PTPRN2: variants seen among roughly 807,000 people sequenced by gnomAD.
PTPRN2 encodes the protein protein tyrosine phosphatase receptor type N2, also known as receptor-type tyrosine-protein phosphatase N2.
Under a neutral mutation model 118.8 loss-of-function variants are expected in PTPRN2, and 74 were observed. The observed-to-expected ratio is 0.62, with a 90% CI of 0.52 to 0.76. The LOEUF (loss-of-function observed/expected upper bound fraction) is 0.76, where lower values mean the gene tolerates loss of function less well. Ranked by LOEUF, PTPRN2 falls within the 30% of genes least tolerant of loss-of-function variation. PTPRN2 has a pLI of 0.00. For synonymous variants in PTPRN2, 641 were observed against 608.0 expected (o/e 1.05, Z -0.80); for missense variants, 1,481 against 1,394.4 (o/e 1.06, Z -0.99).
chr7:157,659,015 C>T (rs1795746237), intron 13 of PTPRN2, among the ~76,000 whole-genome samples: 1 of 151,656 alleles, frequency 6.6e-6, no homozygotes, highest in African/African-American at 2.4e-5. Context: ...CCCCGGGGTG[C>T]CGGCTTCCTT....
rs73515084 is a variant in PTPRN2, at chr7:157,626,697, C to G, written c.2197-5188G>C. Among the ~76,000 whole-genome samples the G allele has an allele frequency of 4.7e-4, 72 of 152,304 alleles. 1 individual carries two copies. The East Asian group carries it at 0.014, about 29-fold the overall frequency. Reference sequence around the variant, plus strand: ...GGGACTGTGTTTCAGCTGCTCAGCACAGGCAGCAAGCACTCAGCCAATATC... The same window carrying G: ...GGGACTGTGTTTCAGCTGCTCAGCAGAGGCAGCAAGCACTCAGCCAATATC... On this transcript the variant is annotated intron_variant, in intron 14 of 22. Coordinates refer to ENST00000389418, the MANE Select transcript of PTPRN2 (RefSeq NM_002847.5).
chr7:158,275,965 C>T (rs1456148394), intron 3 of PTPRN2, among the ~76,000 whole-genome samples: 2 of 152,176 alleles, frequency 1.3e-5, no homozygotes, highest in Non-Finnish European at 2.9e-5. Context: ...CTCCAGAAAA[C>T]GTCTTGCTGT....
intron 2 of PTPRN2, among the ~76,000 whole-genome samples, chr7:158,444,964 G>A (rs1354747477): frequency 6.6e-6 from 1 of 152,244 alleles, no homozygotes; most frequent in African/African-American, 2.4e-5. Flanking sequence ...CACCATGCCA[G>A]ACCACGGCCC....
At chr7:158,260,154 T>C (rs11769815) in intron 3 of PTPRN2, among the ~76,000 whole-genome samples, 35,898 of 152,154 alleles carry the variant, frequency 0.24, 4,609 homozygotes, top group Middle Eastern at 0.32. Context: ...ATGCCTGCTG[T>C]CTCTCTGTGG....
chr7:157,957,186 G>C lies in PTPRN2; in HGVS notation c.1724-58449C>G, dbSNP rs560214681. Among the ~76,000 whole-genome samples, 4 of 152,296 alleles carry C rather than the reference G, an allele frequency of 2.6e-5. No individual in the cohort carries two copies. The East Asian group carries it at 5.8e-4, about 22-fold the overall frequency. ...GAGCAGGGGACAAGAGTCACCCAAG[G>C]TGACTATAAGTCCCCACAAATTCAT... is the stretch of plus-strand genomic sequence containing the variant. On this transcript the variant is annotated intron_variant, in intron 11 of 22. Transcript: ENST00000389418.
chr7:157,613,902 T>C (rs117134445), intron 15 of PTPRN2: 5,708 of 400,642 alleles, frequency 0.014, 247 homozygotes, highest in Admixed American at 0.096. Flanking sequence ...TCGGCGCTGC[T>C]ATCCGGACTC....
At chr7:157,719,260 C>A (rs929697880) in intron 12 of PTPRN2, among the ~76,000 whole-genome samples, 1 of 152,230 alleles carries the variant, frequency 6.6e-6, no homozygotes, top group Admixed American at 6.5e-5. Context: ...CGTGCCAGGA[C>A]TTCTGAAGGT....
intron 1 of PTPRN2, among the ~76,000 whole-genome samples, chr7:158,520,518 A>T (rs1823900439): frequency 6.6e-6 from 1 of 152,212 alleles, no homozygotes; most frequent in Admixed American, 6.5e-5. Flanking sequence ...GCTCAGCTCG[A>T]GGCCCCTGGA....
At chr7:158,133,648 A>C (rs1818556241) in intron 9 of PTPRN2, 29 bp downstream of exon 9, 2 of 1,535,066 alleles carry the variant, frequency 1.3e-6, no homozygotes, top group African/African-American at 2.7e-5. Flanking sequence ...CCCTCGGCAC[A>C]CAGGAGCTTA....
In PTPRN2 at chr7:157,964,979, G is replaced by T. The variant is rs1801819138; in HGVS notation, c.1724-66242C>A. ...TGTCAGTGCCGTAGCGGAACACAGG[G>T]ATCTGAGGCACAAGGCAGGGCTGTC... On this transcript the variant is annotated intron_variant, in intron 11 of 22. Transcript: ENST00000389418. This position sits in a 1 kb window ranked among gnomAD's most constrained non-coding sequence, Gnocchi z 9.0. 6.6e-6 allele frequency among the ~76,000 whole-genome samples: 1 copy of T among 152,224 alleles called. No homozygotes were observed. Among genetic ancestry groups the T allele is most frequent in the South Asian group, 2.1e-4 (1 of 4,830 alleles).
chr7:157,867,691 T>C (rs1810796668), intron 12 of PTPRN2, among the ~76,000 whole-genome samples: 1 of 152,174 alleles, frequency 6.6e-6, no homozygotes, highest in Non-Finnish European at 1.5e-5. Context: ...TAAATCAACA[T>C]GAATAAACTT....
chr7:157,662,480 C>T (rs551268362), intron 13 of PTPRN2, among the ~76,000 whole-genome samples: 6 of 152,196 alleles, frequency 3.9e-5, no homozygotes, highest in Non-Finnish European at 8.8e-5. Flanking sequence ...ATGGGAATGA[C>T]AGCAACAGCA....
At chr7:158,170,240 G>A (rs1204335116) in intron 5 of PTPRN2, among the ~76,000 whole-genome samples, 1 of 152,196 alleles carries the variant, frequency 6.6e-6, no homozygotes, top group Non-Finnish European at 1.5e-5. Context: ...CTCCAGCTCA[G>A]CCTGCACTCC....
In PTPRN2 at chr7:157,785,461, GC is replaced by G. The variant is rs1279549940; in HGVS notation, c.1789-102525del. Among the ~76,000 whole-genome samples the G allele has an allele frequency of 4.6e-5, 7 of 152,162 alleles. No individual in the cohort carries two copies. Among genetic ancestry groups the G allele is most frequent in the Non-Finnish European group, 1.0e-4 (7 of 68,022 alleles). Reference sequence around the variant, plus strand: ...CAGGGCTCAGAGGGGCCCCAGGCCGGCCCCACTCCCAGACTAGAGCCAGCAC... The same window carrying G: ...CAGGGCTCAGAGGGGCCCCAGGCCGGCCCACTCCCAGACTAGAGCCAGCAC... On this transcript the variant is annotated intron_variant, in intron 12 of 22. Transcript: ENST00000389418. This position sits in a 1 kb window ranked among gnomAD's most constrained non-coding sequence, Gnocchi z 7.3.
chr7:158,564,080 T>C (rs1258796936), intron 1 of PTPRN2, among the ~76,000 whole-genome samples: 1 of 152,190 alleles, frequency 6.6e-6, no homozygotes, highest in African/African-American at 2.4e-5. Flanking sequence ...CAGCTCTGGA[T>C]CTGAGTTAAC....
At chr7:158,336,359 C>G (rs1183689700) in intron 2 of PTPRN2, among the ~76,000 whole-genome samples, 3 of 141,742 alleles carry the variant, frequency 2.1e-5, no homozygotes, top group Non-Finnish European at 1.6e-5. Flanking sequence ...CACCCACACT[C>G]TCACCATAAG....
At chr7:157,877,582 T>G (rs1795855045) in intron 12 of PTPRN2, among the ~76,000 whole-genome samples, 1 of 152,120 alleles carries the variant, frequency 6.6e-6, no homozygotes, top group Non-Finnish European at 1.5e-5. Context: ...GGGTCCTCTC[T>G]CCTCCCCTCC....
intron 12 of PTPRN2, among the ~76,000 whole-genome samples, chr7:157,715,196 G>T (rs10266815): frequency 6.6e-6 from 1 of 152,178 alleles, no homozygotes; most frequent in African/African-American, 2.4e-5. Context: ...GAGAAATACC[G>T]ACAGGTGGGG....
At position 158,112,891 on chromosome 7, in the gene PTPRN2, T is replaced by C. The variant is rs185693080; in HGVS notation, c.1557-1976A>G. ...CAGGCTGGGTGCTGGGGGCAGTGCA[T>C]CATGAATGCCGAGACCGGGGAGCTG... On this transcript the variant is annotated intron_variant, in intron 9 of 22. Coordinates refer to ENST00000389418, the MANE Select transcript of PTPRN2 (RefSeq NM_002847.5). 9.1e-4 allele frequency among the ~76,000 whole-genome samples: 139 copies of C among 152,034 alleles called. 1 individual carries two copies. In the Middle Eastern group the frequency reaches 0.031, roughly 33 times the overall value.
Sources: gnomAD v4.1 joint callset for allele counts (sites outside exome capture counted in the v4.1 genomes callset) on GRCh38, gnomAD v4.1.1 for gene constraint, Gnocchi (gnomAD v3.1) non-coding constraint, MANE v1.5 for transcripts, NCBI Gene and HGNC (gene_info 2026-07-23, HGNC 2026-07-21) for gene names.